EFCAB13: variants seen among roughly 807,000 people sequenced by gnomAD.
EFCAB13 encodes EF-hand calcium-binding domain-containing protein 13.
Under a neutral mutation model 110.2 loss-of-function variants are expected in EFCAB13, and 91 were observed. The observed-to-expected ratio is 0.83, with a 90% CI of 0.70 to 0.98. The LOEUF (loss-of-function observed/expected upper bound fraction) is 0.98, where lower values mean the gene tolerates loss of function less well. Among genes scored for constraint, EFCAB13 ranks in the 50% least tolerant of loss-of-function variants. The pLI, the probability that EFCAB13 is intolerant of heterozygous loss-of-function variation, is 0.00. For synonymous variants in EFCAB13, 323 were observed against 369.9 expected, an observed-to-expected ratio of 0.87 and a Z score of 1.45; for missense variants, 968 against 1,119.4, an observed-to-expected ratio of 0.86 and a Z score of 1.93.
intron 16 of EFCAB13, 85 bp from the exon 17 acceptor site, chr17:47,395,749 A>G (rs528155041): frequency 8.3e-7 from 1 of 1,208,462 alleles, no homozygotes. Context: ...TAAAAACCTT[A>G]ATTTTTGTCT....
chr17:47,327,789 A>G (rs990552784), intron 3 of EFCAB13, among the ~76,000 whole-genome samples: 3 of 152,158 alleles, frequency 2.0e-5, no homozygotes, highest in African/African-American at 7.2e-5. Flanking sequence ...CATTGTTTTG[A>G]AAGGCAATGT....
chr17:47,360,692 T>C (rs2065507825), intron 9 of EFCAB13, among the ~76,000 whole-genome samples: 1 of 152,178 alleles, frequency 6.6e-6, no homozygotes. Context: ...AGACATGAAG[T>C]CCTCGCCCAT....
intron 17 of EFCAB13, 100 bp from the exon 18 acceptor site, chr17:47,402,032 C>G: frequency 1.2e-6 from 1 of 830,478 alleles, no homozygotes; most frequent in South Asian, 1.4e-5. Flanking sequence ...AAATATGATT[C>G]TTAGGAGTGC....
chr17:47,381,022 A>G (rs894516061), intron 14 of EFCAB13, among the ~76,000 whole-genome samples: 1 of 151,586 alleles, frequency 6.6e-6, no homozygotes, highest in Non-Finnish European at 1.5e-5. Context: ...AGCTGGGACT[A>G]CAGGTACGTA....
chr17:47,365,641 C>T (rs2065541600), intron 10 of EFCAB13, among the ~76,000 whole-genome samples: 1 of 152,122 alleles, frequency 6.6e-6, no homozygotes, highest in South Asian at 2.1e-4. Context: ...AACTCCCTTA[C>T]TCCCATCAAT....
intron 23 of EFCAB13, among the ~76,000 whole-genome samples, chr17:47,425,887 G>C (rs559191502): frequency 1.1e-4 from 17 of 152,274 alleles, no homozygotes; most frequent in African/African-American, 4.1e-4. Context: ...ACATAATTTT[G>C]AATCTAGAAG....
At chr17:47,350,035 A>G (rs1399562780) in intron 9 of EFCAB13, among the ~76,000 whole-genome samples, 1 of 151,768 alleles carries the variant, frequency 6.6e-6, no homozygotes, top group Non-Finnish European at 1.5e-5. Flanking sequence ...CGGCCTCCCA[A>G]AGTGCTGGGA....
intron 17 of EFCAB13, among the ~76,000 whole-genome samples, chr17:47,400,842 T>C (rs543581841): frequency 1.3e-5 from 2 of 152,382 alleles, no homozygotes; most frequent in Middle Eastern, 3.4e-3. Context: ...TTTAAGCTAC[T>C]GTAAATTGAA....
At chr17:47,413,570 A>G (rs529085103) in intron 22 of EFCAB13, among the ~76,000 whole-genome samples, 114 of 152,266 alleles carry the variant, frequency 7.5e-4, no homozygotes, top group Non-Finnish European at 7.3e-5. Context: ...ATACCTCTCC[A>G]GTACAGTTTA....
rs1162957034 is a variant in EFCAB13 at position 47,418,283 on chromosome 17, T to C, written c.2494+3364T>C. Among the ~76,000 whole-genome samples the C allele has an allele frequency of 2.6e-5, 4 of 152,208 alleles. No individual in the cohort carries two copies. The East Asian group carries it at 7.7e-4, about 29-fold the overall frequency. ...ACCCTTCTTAAATCCTGGTGCTTGC[T>C]TCTCTTCCCTACTAATAAATGTCCT... On this transcript the variant is annotated intron_variant, in intron 23 of 24. Coordinates refer to ENST00000331493, the MANE Select transcript of EFCAB13 (RefSeq NM_152347.5).
In EFCAB13 at chr17:47,328,262, T is replaced by C. The variant is rs1364349976; in HGVS notation, c.-85-7T>C. On this transcript the variant is annotated splice_region_variant and splice_polypyrimidine_tract_variant and intron_variant, in intron 3 of 24. Coordinates refer to ENST00000331493, the MANE Select transcript of EFCAB13 (RefSeq NM_152347.5). ...CGTATGATTTCTTCTTTCTCTTTTTTTGGCAGGAAATCCTTTTGTACTATT... is the reference window on the plus strand; with the variant it reads ...CGTATGATTTCTTCTTTCTCTTTTTCTGGCAGGAAATCCTTTTGTACTATT... 4 of 1,094,142 alleles carry C rather than the reference T, an allele frequency of 3.7e-6. No homozygotes were observed. Among genetic ancestry groups the C allele is most frequent in the Non-Finnish European group, 5.6e-6 (4 of 719,024 alleles). The allele number at this position is 1,094,142 out of a possible 1,614,324, so 67.8% of individuals were successfully genotyped here. A position where few individuals can be genotyped will look rare whatever the true frequency, so the allele number is the denominator to read the frequency against.
chr17:47,344,027 C>T, intron 6 of EFCAB13, 135 bp from the exon 7 acceptor site: 1 of 995,382 alleles, frequency 1.0e-6, no homozygotes, highest in Non-Finnish European at 1.4e-6. Flanking sequence ...TTACAAAAGG[C>T]AATTTTACAC....
chr17:47,426,724 A>G (rs1904975343), intron 23 of EFCAB13, among the ~76,000 whole-genome samples: 2 of 152,162 alleles, frequency 1.3e-5, no homozygotes, highest in African/African-American at 4.8e-5. Flanking sequence ...TTTTTTTAAA[A>G]GGGTTGCCAA....
intron 9 of EFCAB13, among the ~76,000 whole-genome samples, chr17:47,360,439 T>A (rs1377862875): frequency 1.3e-5 from 2 of 152,254 alleles, no homozygotes; most frequent in Non-Finnish European, 2.9e-5. Flanking sequence ...GAGAAGTGTC[T>A]GTTCATATCC....
chr17:47,324,163 G>C (rs1227877501), intron 1 of EFCAB13, 89 bp downstream of exon 1: 6 of 153,086 alleles, frequency 3.9e-5, no homozygotes, highest in African/African-American at 1.4e-4. Flanking sequence ...GGAGGGTGGA[G>C]AATGCAGTAG....
At chr17:47,405,848 A>G (rs1372336624) in intron 20 of EFCAB13, among the ~76,000 whole-genome samples, 9 of 151,624 alleles carry the variant, frequency 5.9e-5, no homozygotes, top group Non-Finnish European at 1.5e-5. Flanking sequence ...TAAGTCCTTT[A>G]TATTGTTCCC....
At chr17:47,334,694 C>T (rs536691742) in intron 4 of EFCAB13, among the ~76,000 whole-genome samples, 1 of 151,994 alleles carries the variant, frequency 6.6e-6, no homozygotes, top group South Asian at 2.1e-4. Flanking sequence ...GGTGGGAGGA[C>T]TGCTTGAGCT....
intron 16 of EFCAB13, 132 bp downstream of exon 16, chr17:47,394,231 G>C: frequency 1.9e-6 from 1 of 515,802 alleles, no homozygotes; most frequent in Non-Finnish European, 3.4e-6. Context: ...TAAATGCCTG[G>C]CTTCCTGCTG....
chr17:47,412,201 T>C (rs1271401900), intron 21 of EFCAB13, among the ~76,000 whole-genome samples: 1 of 152,264 alleles, frequency 6.6e-6, no homozygotes, highest in East Asian at 1.9e-4. Context: ...CGTTTGGTTA[T>C]GTGAGTTGTG....
Sources: allele counts gnomAD v4.1 joint callset (sites outside exome capture counted in the v4.1 genomes callset), GRCh38; gene constraint gnomAD v4.1.1; transcripts MANE v1.5; gene names NCBI Gene and HGNC (gene_info 2026-07-23, HGNC 2026-07-21).